The following COL28A1 variants were observed in gnomAD, a reference collection of about 807,000 sequenced individuals.
The protein encoded by COL28A1 is collagen type XXVIII alpha 1 chain.
In COL28A1, 161 loss-of-function variants were observed where a neutral mutation model predicts 150.2. The observed-to-expected ratio is 1.07, with a 90% CI of 0.94 to 1.22. The LOEUF (loss-of-function observed/expected upper bound fraction) is 1.22, where lower values mean the gene tolerates loss of function less well. Ranked by LOEUF, COL28A1 falls within the 50% of genes most tolerant of loss-of-function variation. COL28A1 has a pLI of 0.00. For missense variants in COL28A1, 1,617 were observed against 1,388.3 expected, an observed-to-expected ratio of 1.16 and a Z score of -2.62; for synonymous variants, 552 against 469.7, an observed-to-expected ratio of 1.18 and a Z score of -2.26.
intron 15 of COL28A1, among the ~76,000 whole-genome samples, chr7:7,464,537 A>G (rs1347832037): frequency 6.6e-6 from 1 of 152,262 alleles, no homozygotes; most frequent in Non-Finnish European, 1.5e-5. Context: ...ATACATGGAA[A>G]TTAAATAACC....
chr7:7,447,703 A>C (rs1786367425), intron 18 of COL28A1, among the ~76,000 whole-genome samples: 1 of 152,218 alleles, frequency 6.6e-6, no homozygotes, highest in South Asian at 2.1e-4. Context: ...GTATGAGATA[A>C]AAAACACTGG....
At chr7:7,460,509 G>A (rs1272332280) in intron 15 of COL28A1, among the ~76,000 whole-genome samples, 4 of 151,366 alleles carry the variant, frequency 2.6e-5, no homozygotes, top group Admixed American at 6.6e-5. Context: ...TCAGCCTCCC[G>A]AGTAGCTGGG....
Position 7,358,512 on chromosome 7 carries a change from T to G in COL28A1, c.*121A>C, listed in dbSNP as rs1780449559. 1.1e-6 allele frequency: 1 copy of G among 890,762 alleles called. No individual in the cohort carries two copies. The highest frequency in any genetic ancestry group is 1.7e-5 in the African/African-American group (1 of 59,398). 55.2% of individuals were successfully genotyped at this position (890,762 alleles called of 1,614,324 possible). ...TCCTAGGGCTGTAGTGAGAATTCAA[T>G]TACATGTATAAGTTGTAAATACTCA... On this transcript the variant is annotated 3_prime_UTR_variant, in exon 35 of 35. Transcript: ENST00000399429.
intron 23 of COL28A1, among the ~76,000 whole-genome samples, chr7:7,435,972 A>C (rs73334139): frequency 0.19 from 29,074 of 152,148 alleles, 3,231 homozygotes; most frequent in African/African-American, 0.31. Context: ...GTTTCTTCTT[A>C]TTTGTCTTTC....
At chr7:7,378,463 CAG>C (rs1407304916) in intron 30 of COL28A1, among the ~76,000 whole-genome samples, 4 of 152,098 alleles carry the variant, frequency 2.6e-5, no homozygotes, top group East Asian at 1.9e-4. Context: ...TGTGGAGAAA[CAG>C]AGTCTTTTCA....
At chr7:7,348,620 G>A in the COL28A1 span, among the ~76,000 whole-genome samples, 5 of 149,344 alleles carry the variant, frequency 3.3e-5, no homozygotes, top group Non-Finnish European at 7.4e-5. Flanking sequence ...TTTATTTTCT[G>A]CTTCCTATTT....
intron 15 of COL28A1, 62 bp from the exon 16 acceptor site, chr7:7,456,174 G>T: frequency 1.9e-6 from 3 of 1,557,976 alleles, no homozygotes; most frequent in Non-Finnish European, 2.6e-6. Context: ...TTCATACTTT[G>T]CTAACCTGGA....
intron 13 of COL28A1, among the ~76,000 whole-genome samples, chr7:7,484,883 C>T (rs1005711777): frequency 6.6e-6 from 1 of 152,028 alleles, no homozygotes; most frequent in Non-Finnish European, 1.5e-5. Context: ...CTCAGAAATC[C>T]AAATACTGCA....
chr7:7,497,813 G>A (rs1414632874), intron 11 of COL28A1, among the ~76,000 whole-genome samples: 3 of 152,134 alleles, frequency 2.0e-5, no homozygotes, highest in African/African-American at 4.8e-5. Flanking sequence ...AATGTTAAAA[G>A]TAATGTAAAT....
At chr7:7,543,319 T>C in the COL28A1 span, among the ~76,000 whole-genome samples, 1 of 152,236 alleles carries the variant, frequency 6.6e-6, no homozygotes, top group Non-Finnish European at 1.5e-5. Context: ...ACTTCATTTG[T>C]TTGTCAATGA....
chr7:7,480,345 C>A (rs1431386479), intron 13 of COL28A1, among the ~76,000 whole-genome samples: 1 of 152,068 alleles, frequency 6.6e-6, no homozygotes, highest in African/African-American at 2.4e-5. Context: ...AATTGTAACA[C>A]TTAACAGAAA....
intron 11 of COL28A1, among the ~76,000 whole-genome samples, chr7:7,497,032 A>G (rs1329355811): frequency 7.1e-6 from 1 of 141,006 alleles, no homozygotes; most frequent in Non-Finnish European, 1.6e-5. Flanking sequence ...AAAGAGAGGA[A>G]GGAAGGAAAG....
chr7:7,497,446 T>C (rs139051962), intron 11 of COL28A1, among the ~76,000 whole-genome samples: 29 of 152,284 alleles, frequency 1.9e-4, no homozygotes, highest in African/African-American at 7.0e-4. Flanking sequence ...GATTGAGTCA[T>C]AGGGAGGTAA....
In COL28A1 at chr7:7,457,964, G is replaced by A. The variant is rs142354670; in HGVS notation, c.1303-1852C>T. Among the ~76,000 whole-genome samples, 179 of 152,266 alleles carry A rather than the reference G, an allele frequency of 1.2e-3. 1 individual carries two copies. Among genetic ancestry groups the A allele is most frequent in the African/African-American group, 3.9e-3 (164 of 41,562 alleles). ...CTTGAGGGTCATAATGATGTCTCTCGTAATTGATCAATGCTGCTTTGGTAG... is the reference window on the plus strand; with the variant it reads ...CTTGAGGGTCATAATGATGTCTCTCATAATTGATCAATGCTGCTTTGGTAG... On this transcript the variant is annotated intron_variant, in intron 15 of 34. Coordinates refer to ENST00000399429, the MANE Select transcript of COL28A1 (RefSeq NM_001037763.3).
At chr7:7,525,318 A>AGAAATGTCATGATCTTGTTTT (rs1781963915) in intron 3 of COL28A1, among the ~76,000 whole-genome samples, 1 of 152,242 alleles carries the variant, frequency 6.6e-6, no homozygotes, top group Non-Finnish European at 1.5e-5. Context: ...ATAATTTTGC[A>AGAAATGTCATGATCTTGTTTT]GAAATGTCAT....
At chr7:7,455,345 A>G (rs1787059854) in intron 16 of COL28A1, among the ~76,000 whole-genome samples, 1 of 152,218 alleles carries the variant, frequency 6.6e-6, no homozygotes, top group Non-Finnish European at 1.5e-5. Context: ...ATGGTAAACA[A>G]CAGTAGAGAG....
At chr7:7,372,279 G>C (rs959492696) in intron 32 of COL28A1, among the ~76,000 whole-genome samples, 1 of 151,504 alleles carries the variant, frequency 6.6e-6, no homozygotes, top group Non-Finnish European at 1.5e-5. Context: ...CGTGCCTGTA[G>C]TCCCAGCTAC....
rs537321116 is a variant in COL28A1 at position 7,532,904 on chromosome 7, T to C, written c.-29A>G. 2.6e-6 allele frequency: 4 copies of C among 1,550,868 alleles called. No homozygotes were observed. The highest frequency in any genetic ancestry group is 3.5e-6 in the Non-Finnish European group (4 of 1,154,216). On this transcript the variant is annotated 5_prime_UTR_variant, in exon 2 of 35. Transcript: ENST00000399429. Reference sequence around the variant, plus strand: ...GGTAGATGGTGAAAAATCATCTGTCTTGTAGCACCTTTAATAGAAAAGTCA... The same window carrying C: ...GGTAGATGGTGAAAAATCATCTGTCCTGTAGCACCTTTAATAGAAAAGTCA...
At chr7:7,397,078 G>T (rs1782876692) in intron 27 of COL28A1, among the ~76,000 whole-genome samples, 1 of 152,202 alleles carries the variant, frequency 6.6e-6, no homozygotes, top group African/African-American at 2.4e-5. Context: ...GAATTGCCAT[G>T]AATTTAGTGG....
Sources: allele counts gnomAD v4.1 joint callset (sites outside exome capture counted in the v4.1 genomes callset), GRCh38; gene constraint gnomAD v4.1.1; transcripts MANE v1.5; gene names NCBI Gene and HGNC (gene_info 2026-07-23, HGNC 2026-07-21).